VAV2: variants seen among roughly 807,000 people sequenced by gnomAD.
VAV2 encodes the protein vav guanine nucleotide exchange factor 2.
A neutral mutation model predicts 132.5 loss-of-function variants in VAV2; 67 were observed. The ratio of observed to expected loss-of-function variants is 0.51; its 90% CI spans 0.42 to 0.62. VAV2 has a LOEUF of 0.62. Among genes scored for constraint, VAV2 ranks in the 20% least tolerant of loss-of-function variants. The pLI, the probability that VAV2 is intolerant of heterozygous loss-of-function variation, is 0.00. For missense variants in VAV2, 938 were observed against 1,153.6 expected, an observed-to-expected ratio of 0.81 and a Z score of 2.71; for synonymous variants, 492 against 443.5, an observed-to-expected ratio of 1.11 and a Z score of -1.37.
intron 29 of VAV2, among the ~76,000 whole-genome samples, chr9:133,764,911 C>G (rs1833384868): frequency 6.6e-6 from 1 of 152,192 alleles, no homozygotes; most frequent in African/African-American, 2.4e-5. Context: ...AAAAAAATCT[C>G]TGCAAATCCT....
intron 2 of VAV2, among the ~76,000 whole-genome samples, chr9:133,921,914 C>T (rs760243687): frequency 3.3e-5 from 5 of 152,240 alleles, no homozygotes; most frequent in African/African-American, 4.8e-5. Flanking sequence ...GGACTGGAAG[C>T]GAGGGTGGTT....
rs1284961630 is a variant in VAV2, at chr9:133,824,346, T to C, written c.449+9926A>G. On this transcript the variant is annotated intron_variant, in intron 4 of 29. Transcript: ENST00000371850. The surrounding 1 kb of genome is among the most constrained non-coding windows in gnomAD (Gnocchi z 5.2). Reference sequence around the variant, plus strand: ...CCGAGCCAGGTCCACCAGCCCTCAGTTCCCGAGAACAGACACAGCAGAGAC... The same window carrying C: ...CCGAGCCAGGTCCACCAGCCCTCAGCTCCCGAGAACAGACACAGCAGAGAC... Among the ~76,000 whole-genome samples, 4 of 150,490 alleles carry C rather than the reference T, an allele frequency of 2.7e-5. No individual in the cohort carries two copies. Among genetic ancestry groups the C allele is most frequent in the African/African-American group, 9.8e-5 (4 of 40,806 alleles).
rs553637934 is a variant in VAV2, at chr9:133,924,460, T to C, written c.321+14643A>G. Among the ~76,000 whole-genome samples the C allele has an allele frequency of 5.9e-5, 9 of 152,336 alleles. No homozygotes were observed. The East Asian group carries it at 1.3e-3, about 23-fold the overall frequency. The stretch of plus-strand genomic sequence containing the variant: ...CCTCGGCCTCCCAAAGTGCCGGGAT[T>C]ACAGGCTTGAGCCACCACAGCGCCT... On this transcript the variant is annotated intron_variant, in intron 2 of 29. Coordinates refer to ENST00000371850, the MANE Select transcript of VAV2 (RefSeq NM_001134398.2).
At chr9:133,967,286 G>C (rs543993702) in intron 1 of VAV2, among the ~76,000 whole-genome samples, 1 of 152,160 alleles carries the variant, frequency 6.6e-6, no homozygotes, top group East Asian at 1.9e-4. Flanking sequence ...GGAGAAAGGG[G>C]AACACTAGTA....
At chr9:133,953,250 G>A (rs926720107) in intron 1 of VAV2, among the ~76,000 whole-genome samples, 6 of 152,250 alleles carry the variant, frequency 3.9e-5, no homozygotes, top group African/African-American at 1.4e-4. Flanking sequence ...TTCTTTGTTG[G>A]GCAACTCCGG....
chr9:133,798,781 G>A (rs367646219), intron 9 of VAV2, among the ~76,000 whole-genome samples: 4 of 152,194 alleles, frequency 2.6e-5, no homozygotes, highest in Non-Finnish European at 5.9e-5. Flanking sequence ...TGTAAAGATG[G>A]GGGTGATTAG....
chr9:133,930,142 C>T (rs1462303875), intron 2 of VAV2, among the ~76,000 whole-genome samples: 2 of 152,228 alleles, frequency 1.3e-5, no homozygotes, highest in Admixed American at 6.5e-5. Flanking sequence ...GACTGCTGGT[C>T]AGCGCCCTCC....
intron 19 of VAV2, among the ~76,000 whole-genome samples, chr9:133,781,930 A>G (rs1460138789): frequency 2.0e-5 from 3 of 152,050 alleles, no homozygotes; most frequent in Admixed American, 1.3e-4. Flanking sequence ...ATTCAAAACC[A>G]TACAGAGATG....
chr9:133,847,722 C>T (rs1462246510), intron 3 of VAV2, among the ~76,000 whole-genome samples: 1 of 152,322 alleles, frequency 6.6e-6, no homozygotes, highest in East Asian at 1.9e-4. Context: ...TCAACTTCCT[C>T]CTCTGCAAAA....
rs141924642 is a variant in VAV2 at position 133,786,066 on chromosome 9, C to T, written c.1423-181G>A. The T allele has an allele frequency of 1.5e-3, 948 of 651,800 alleles. 7 individuals are homozygous for T. Among genetic ancestry groups the T allele is most frequent in the African/African-American group, 8.1e-3 (457 of 56,386 alleles). 40.4% of individuals were successfully genotyped at this position (651,800 alleles called of 1,614,324 possible). A position where few individuals can be genotyped will look rare whatever the true frequency, so the allele number is the denominator to read the frequency against. The stretch of plus-strand genomic sequence containing the variant: ...TACCTGCTCTCTTGCCCATGCTGTA[C>T]GTGCACACGTGCCTCTGTATGCATG... On this transcript the variant is annotated intron_variant, in intron 16 of 29. Transcript: ENST00000371850.
chr9:133,856,695 G>A (rs929208544), intron 3 of VAV2, among the ~76,000 whole-genome samples: 4 of 152,136 alleles, frequency 2.6e-5, no homozygotes, highest in Non-Finnish European at 4.4e-5. Context: ...TCAAGGTATC[G>A]AGGGGCTGGT....
At chr9:133,819,621 C>T (rs957958991) in intron 4 of VAV2, among the ~76,000 whole-genome samples, 9 of 152,138 alleles carry the variant, frequency 5.9e-5, no homozygotes. Context: ...TGGGGTCACC[C>T]GGTTCTGCCT....
chr9:133,811,790 C>A (rs1835367784), intron 5 of VAV2, among the ~76,000 whole-genome samples: 1 of 152,218 alleles, frequency 6.6e-6, no homozygotes, highest in Admixed American at 6.5e-5. Context: ...GCCTGCAAGC[C>A]CTTGGAAGGA....
intron 1 of VAV2, among the ~76,000 whole-genome samples, chr9:133,947,785 A>G (rs1014126045): frequency 2.0e-5 from 3 of 151,076 alleles, no homozygotes; most frequent in Non-Finnish European, 3.0e-5. Flanking sequence ...CCCCCGCGCT[A>G]TGGCCTTTGT....
rs567659546 is a variant in VAV2 at position 133,898,004 on chromosome 9, G to A, written c.322-36572C>T. 1.6e-4 allele frequency among the ~76,000 whole-genome samples: 24 copies of A among 152,236 alleles called. No homozygotes were observed. The South Asian group carries it at 4.8e-3, about 30-fold the overall frequency. On this transcript the variant is annotated intron_variant, in intron 2 of 29. Coordinates refer to ENST00000371850, the MANE Select transcript of VAV2 (RefSeq NM_001134398.2). ...GCTGGTGGTTGGAAGGGGCCCAGCA[G>A]GGCTTAGGGACACTCTGCCCAGACA...
At chr9:133,852,911 C>A (rs1205304325) in intron 3 of VAV2, among the ~76,000 whole-genome samples, 2 of 152,202 alleles carry the variant, frequency 1.3e-5, no homozygotes, top group East Asian at 3.8e-4. Context: ...ATAGACTCAC[C>A]CCAGGTTGCA....
At position 133,768,403 on chromosome 9, in the gene VAV2, G is replaced by A. The variant is rs948489223; in HGVS notation, c.2589+39C>T. On this transcript the variant is annotated intron_variant, in intron 29 of 29. Transcript: ENST00000371850. The surrounding 1 kb of genome is among the most constrained non-coding windows in gnomAD (Gnocchi z 5.3). ...TGAGCCCGACCAGGTAGGGGCTGCAGCGAGGCCAGCCCCACACCCTCAGGG... is the reference window on the plus strand; with the variant it reads ...TGAGCCCGACCAGGTAGGGGCTGCAACGAGGCCAGCCCCACACCCTCAGGG... 1 of 1,601,006 alleles carries A rather than the reference G, an allele frequency of 6.2e-7. No individual in the cohort carries two copies. Among genetic ancestry groups the A allele is most frequent in the African/African-American group, 1.3e-5 (1 of 74,804 alleles).
At chr9:133,766,784 AT>A (rs1481021895) in intron 29 of VAV2, among the ~76,000 whole-genome samples, 1 of 145,258 alleles carries the variant, frequency 6.9e-6, no homozygotes, top group East Asian at 2.0e-4. Flanking sequence ...ATATATATAT[AT>A]ATCCCAAAAA....
chr9:133,897,197 G>A lies in VAV2; in HGVS notation c.322-35765C>T, dbSNP rs140061154. The stretch of plus-strand genomic sequence containing the variant: ...CATGCTGGTTATTGCTGAAGGACGC[G>A]GGAAAATGAGCTGACACTCGGGAAG... On this transcript the variant is annotated intron_variant, in intron 2 of 29. Transcript: ENST00000371850. Among the ~76,000 whole-genome samples the A allele has an allele frequency of 7.0e-3, 1,070 of 152,274 alleles. 23 individuals carry two copies. The highest frequency in any genetic ancestry group is 0.025 in the African/African-American group (1,030 of 41,506).
Sources: allele counts gnomAD v4.1 joint callset (sites outside exome capture counted in the v4.1 genomes callset), GRCh38; gene constraint gnomAD v4.1.1; non-coding constraint Gnocchi (gnomAD v3.1); transcripts MANE v1.5; gene names NCBI Gene and HGNC (gene_info 2026-07-23, HGNC 2026-07-21).